Variants in LTBP1 observed in about 807,000 individuals in gnomAD.
The protein encoded by LTBP1 is latent transforming growth factor beta binding protein 1, also known as latent-transforming growth factor beta-binding protein 1.
In LTBP1, 129 loss-of-function variants were observed where a neutral mutation model predicts 207.6. The ratio of observed to expected loss-of-function variants is 0.62; its 90% CI spans 0.54 to 0.72. The LOEUF is 0.72. LTBP1 is among the 30% of genes least tolerant of loss of function. LTBP1 has a pLI of 0.00. For missense variants in LTBP1, 2,281 were observed against 2,217.2 expected (o/e 1.03, Z -0.58); for synonymous variants, 963 against 833.7 (o/e 1.16, Z -2.67).
At chr2:33,294,882 G>A (rs1227113330) in intron 20 of LTBP1, among the ~76,000 whole-genome samples, 2 of 151,344 alleles carry the variant, frequency 1.3e-5, no homozygotes, top group Admixed American at 1.3e-4. Context: ...TGGCAAAAAT[G>A]TTCTGAATTT....
intron 8 of LTBP1, among the ~76,000 whole-genome samples, chr2:33,219,037 T>A (rs2090912688): frequency 6.6e-6 from 1 of 152,238 alleles, no homozygotes; most frequent in Non-Finnish European, 1.5e-5. Context: ...ACAATTCATT[T>A]TAAGTAATTG....
chr2:32,953,597 T>A (rs1677553548), intron 2 of LTBP1, among the ~76,000 whole-genome samples: 2 of 152,184 alleles, frequency 1.3e-5, no homozygotes, highest in African/African-American at 2.4e-5. Flanking sequence ...ACCATAACAC[T>A]GTAATAGTGC....
Position 33,320,140 on chromosome 2 carries a change from G to A in LTBP1, c.3730+4871G>A, listed in dbSNP as rs574411151. Among the ~76,000 whole-genome samples the A allele has an allele frequency of 1.3e-3, 194 of 152,222 alleles. 2 individuals are homozygous for A. Among genetic ancestry groups the A allele is most frequent in the African/African-American group, 4.4e-3 (184 of 41,548 alleles). On this transcript the variant is annotated intron_variant, in intron 24 of 33. Transcript: ENST00000404816. ...CCCAAGCACTTTGGGAGGCTGAGGC[G>A]GGTGGATCACTTGAGGTCAGGAGTT...
At chr2:33,076,591 C>T (rs987320039) in intron 3 of LTBP1, among the ~76,000 whole-genome samples, 4 of 151,574 alleles carry the variant, frequency 2.6e-5, no homozygotes, top group Non-Finnish European at 5.9e-5. Context: ...GGCTGGAGTG[C>T]AGTGGCGTGA....
intron 3 of LTBP1, among the ~76,000 whole-genome samples, chr2:33,081,136 C>G (rs1483704391): frequency 6.6e-6 from 1 of 151,868 alleles, no homozygotes; most frequent in Admixed American, 6.6e-5. Context: ...TAGCAAAGCC[C>G]CTTTGTTCAG....
chr2:32,947,992 C>CG (rs1052043975), intron 1 of LTBP1, among the ~76,000 whole-genome samples, 174 bp downstream of exon 1: 6 of 152,130 alleles, frequency 3.9e-5, no homozygotes, highest in African/African-American at 1.4e-4. Flanking sequence ...GAGGGGAGTG[C>CG]GGGGAAGCCC....
At chr2:33,029,127 A>G (rs2075569364) in intron 3 of LTBP1, among the ~76,000 whole-genome samples, 1 of 152,206 alleles carries the variant, frequency 6.6e-6, no homozygotes, top group Admixed American at 6.5e-5. Context: ...CAAAACACAG[A>G]AGAAATATTT....
chr2:33,354,717 CA>C (rs1559058136), intron 26 of LTBP1, among the ~76,000 whole-genome samples: 18 of 133,334 alleles, frequency 1.3e-4, no homozygotes, highest in African/African-American at 3.9e-4. Flanking sequence ...CACACACACA[CA>C]CACACACACA....
At position 32,976,570 on chromosome 2, in the gene LTBP1, G is replaced by C. The variant is rs55992496; in HGVS notation, c.565+27625G>C. Among the ~76,000 whole-genome samples the C allele has an allele frequency of 1.2e-4, 18 of 152,306 alleles. No homozygotes were observed. The South Asian group carries it at 3.3e-3, about 28-fold the overall frequency. Reference sequence around the variant, plus strand: ...CTTTTTTGTTTTAGCACAGTGGGTAGGAGTGCTCTATGTTGGGGGTTAGAG... The same window carrying C: ...CTTTTTTGTTTTAGCACAGTGGGTACGAGTGCTCTATGTTGGGGGTTAGAG... On this transcript the variant is annotated intron_variant, in intron 2 of 33. Coordinates refer to ENST00000404816, the MANE Select transcript of LTBP1 (RefSeq NM_206943.4).
In LTBP1 at chr2:32,947,503, C is replaced by A. The variant is rs1036967060; in HGVS notation, c.179C>A (p.Ala60Asp). 6.3e-6 allele frequency: 9 copies of A among 1,429,000 alleles called. No individual in the cohort carries two copies. In the East Asian group the frequency reaches 1.6e-4, roughly 25 times the overall value. 88.5% of individuals were successfully genotyped at this position (1,429,000 alleles called of 1,614,324 possible). A position where few individuals can be genotyped will look rare whatever the true frequency, so the allele number is the denominator to read the frequency against. ...RSRTFNVALN[A>D]RYSRSSAAAG... ...CGGACATTCAACGTCGCGCTCAACG[C>A]CAGGTACAGCCGCAGCTCGGCGGCT... The change falls in exon 1 of 34, where the codon GCC (alanine) becomes GAC (aspartate). Residue 60 changes from alanine to aspartate, a missense_variant. This residue lies in a region of LTBP1 where 555 missense variants were observed against 491.0 expected (regional missense o/e 1.13). Transcript: ENST00000404816.
intron 5 of LTBP1, among the ~76,000 whole-genome samples, chr2:33,171,788 A>G (rs1309450751): frequency 2.0e-5 from 3 of 152,220 alleles, no homozygotes; most frequent in African/African-American, 4.8e-5. Context: ...AGGGAAGCCC[A>G]TCAGACTAAC....
chr2:33,363,551 G>C (rs752038430), intron 29 of LTBP1, 33 bp downstream of exon 29: 1 of 1,583,712 alleles, frequency 6.3e-7, no homozygotes, highest in East Asian at 2.2e-5. Flanking sequence ...ATGGTGTACT[G>C]TGAAAATATA....
intron 2 of LTBP1, among the ~76,000 whole-genome samples, chr2:32,958,671 C>T (rs1678487391): frequency 6.6e-6 from 1 of 152,208 alleles, no homozygotes; most frequent in African/African-American, 2.4e-5. Context: ...ATGCTGTCCT[C>T]TAAATACTAT....
chr2:33,063,928 A>C (rs1269513344), intron 3 of LTBP1, among the ~76,000 whole-genome samples: 1 of 151,026 alleles, frequency 6.6e-6, no homozygotes, highest in African/African-American at 2.4e-5. Flanking sequence ...ACCTTGGCTC[A>C]CTGCAACCTC....
chr2:33,236,676 A>T (rs557848478), intron 9 of LTBP1, among the ~76,000 whole-genome samples: 50 of 152,334 alleles, frequency 3.3e-4, no homozygotes, highest in African/African-American at 1.0e-3. Flanking sequence ...CTATAAAATG[A>T]ATGGGAAGAT....
intron 12 of LTBP1, among the ~76,000 whole-genome samples, chr2:33,259,082 C>T (rs1439277343): frequency 6.6e-6 from 1 of 152,116 alleles, no homozygotes; most frequent in Non-Finnish European, 1.5e-5. Context: ...AAAATATTCA[C>T]GGGGCTTCAT....
chr2:33,042,732 A>C (rs1467046483), intron 3 of LTBP1, among the ~76,000 whole-genome samples: 1 of 152,242 alleles, frequency 6.6e-6, no homozygotes, highest in African/African-American at 2.4e-5. Context: ...AGATACTTTT[A>C]GGAAAGGTAA....
chr2:33,370,998 C>T (rs1203483200), intron 31 of LTBP1, among the ~76,000 whole-genome samples: 2 of 152,142 alleles, frequency 1.3e-5, no homozygotes, highest in Non-Finnish European at 2.9e-5. Flanking sequence ...CTGGTAGGTG[C>T]AGGAGGTAGG....
intron 3 of LTBP1, among the ~76,000 whole-genome samples, chr2:33,038,310 G>GT (rs947534427): frequency 2.3e-4 from 35 of 152,214 alleles, no homozygotes; most frequent in African/African-American, 8.4e-4. Context: ...GCAGTGTTTG[G>GT]TTTTTTGGTT....
Sources: gnomAD v4.1 joint callset for allele counts (sites outside exome capture counted in the v4.1 genomes callset) on GRCh38, gnomAD v4.1.1 for gene constraint, gnomAD v4.1.1 regional missense constraint, MANE v1.5 for transcripts, NCBI Gene and HGNC (gene_info 2026-07-23, HGNC 2026-07-21) for gene names.